PCDH15: variants seen among roughly 807,000 people sequenced by gnomAD.
PCDH15 encodes the protein protocadherin related 15.
In PCDH15, 129 loss-of-function variants were observed where a neutral mutation model predicts 178.5. That is an observed-to-expected ratio of 0.72 (90% CI 0.63 to 0.84). The LOEUF is 0.84. Ranked by LOEUF, PCDH15 falls within the 40% of genes least tolerant of loss-of-function variation. The pLI is 0.00. For missense variants in PCDH15, 2,230 were observed against 2,099.9 expected (o/e 1.06, Z -1.21); for synonymous variants, 800 against 732.0 (o/e 1.09, Z -1.50).
intron 1 of PCDH15, among the ~76,000 whole-genome samples, chr10:54,737,991 AGCC>A (rs1489415183): frequency 6.6e-6 from 1 of 152,220 alleles, no homozygotes; most frequent in Non-Finnish European, 1.5e-5. Flanking sequence ...TGAAAGATCC[AGCC>A]AAATGGATAA....
intron 2 of PCDH15, among the ~76,000 whole-genome samples, chr10:54,545,493 A>C (rs1488679544): frequency 6.6e-6 from 1 of 152,138 alleles, no homozygotes. Context: ...GTAAGGAATT[A>C]AAATTATTTT....
At chr10:53,958,388 C>T (rs1442096498) in intron 23 of PCDH15, among the ~76,000 whole-genome samples, 5 of 152,172 alleles carry the variant, frequency 3.3e-5, no homozygotes, top group Admixed American at 2.6e-4. Context: ...CTCTACATTT[C>T]CTTCAATCTA....
At chr10:54,727,829 C>T (rs952688842) in intron 1 of PCDH15, among the ~76,000 whole-genome samples, 6 of 151,296 alleles carry the variant, frequency 4.0e-5, no homozygotes, top group Admixed American at 6.6e-5. Flanking sequence ...AACTAGAAAA[C>T]CTTGAAGGAA....
At chr10:54,211,808 C>T (rs576746237) in intron 10 of PCDH15, among the ~76,000 whole-genome samples, 2 of 152,012 alleles carry the variant, frequency 1.3e-5, no homozygotes, top group Non-Finnish European at 2.9e-5. Context: ...CAGATTGTAG[C>T]ATTTCAATGG....
At chr10:54,347,007 T>C (rs1943403828) in intron 5 of PCDH15, among the ~76,000 whole-genome samples, 1 of 152,148 alleles carries the variant, frequency 6.6e-6, no homozygotes, top group Non-Finnish European at 1.5e-5. Flanking sequence ...CCTTCTGATA[T>C]TGGTTGAGTA....
intron 2 of PCDH15, among the ~76,000 whole-genome samples, chr10:55,082,601 A>G (rs369076259): frequency 2.4e-4 from 37 of 151,248 alleles, no homozygotes; most frequent in African/African-American, 7.7e-4. Flanking sequence ...AAAAACACGC[A>G]AAATATCAAC....
chr10:55,152,681 T>C (rs1838764549), intron 2 of PCDH15, among the ~76,000 whole-genome samples: 1 of 152,172 alleles, frequency 6.6e-6, no homozygotes, highest in Non-Finnish European at 1.5e-5. Flanking sequence ...GAACTTGAAC[T>C]GTGATAGAGA....
chr10:54,754,659 A>G (rs1219405713), intron 1 of PCDH15, among the ~76,000 whole-genome samples: 1 of 152,136 alleles, frequency 6.6e-6, no homozygotes, highest in Non-Finnish European at 1.5e-5. Flanking sequence ...AGTTATATTT[A>G]GAAGATTAGA....
chr10:55,029,133 G>A (rs1187600715), intron 2 of PCDH15, among the ~76,000 whole-genome samples: 5 of 151,876 alleles, frequency 3.3e-5, no homozygotes, highest in African/African-American at 1.2e-4. Flanking sequence ...AAGAATAAAT[G>A]TTTCTGTATC....
At chr10:54,220,399 C>CA (rs1431422272) in intron 9 of PCDH15, among the ~76,000 whole-genome samples, 5 of 152,134 alleles carry the variant, frequency 3.3e-5, no homozygotes, top group African/African-American at 1.2e-4. Flanking sequence ...GGTCAGAAGT[C>CA]AAGGTATCTA....
intron 1 of PCDH15, among the ~76,000 whole-genome samples, chr10:54,695,595 T>G (rs1486105050): frequency 1.3e-5 from 2 of 152,076 alleles, no homozygotes; most frequent in African/African-American, 2.4e-5. Flanking sequence ...GTGTAAAACT[T>G]TCATAACTAG....
rs1430875806 is a variant in PCDH15 at position 54,420,914 on chromosome 10, T to C, written c.158-41972A>G. 2.6e-5 allele frequency among the ~76,000 whole-genome samples: 4 copies of C among 152,212 alleles called. No individual in the cohort carries two copies. The East Asian group carries it at 5.8e-4, about 22-fold the overall frequency. On this transcript the variant is annotated intron_variant, in intron 3 of 37. Transcript: ENST00000644397. ...GGGCATGAGTAGACTTCAGGAAACA[T>C]GCCAGTACAGAACCATATAAATGTG... is the stretch of plus-strand genomic sequence containing the variant.
chr10:54,673,628 G>T (rs1565909457), intron 1 of PCDH15, among the ~76,000 whole-genome samples: 1 of 152,068 alleles, frequency 6.6e-6, no homozygotes, highest in Non-Finnish European at 1.5e-5. Context: ...AATAGAGACA[G>T]GGTTTCTCCG....
chr10:55,602,278 C>T (rs368899998), intron 2 of PCDH15, among the ~76,000 whole-genome samples: 2 of 152,096 alleles, frequency 1.3e-5, no homozygotes, highest in African/African-American at 4.8e-5. Flanking sequence ...AGCAGTCTGA[C>T]ATCAAACTGC....
At chr10:55,105,926 T>C (rs1234680067) in intron 2 of PCDH15, among the ~76,000 whole-genome samples, 2 of 152,148 alleles carry the variant, frequency 1.3e-5, no homozygotes, top group Non-Finnish European at 2.9e-5. Context: ...ATGGAATGAG[T>C]AATCCAAATC....
intron 21 of PCDH15, among the ~76,000 whole-genome samples, chr10:53,971,843 C>T (rs1477759400): frequency 2.0e-5 from 3 of 152,058 alleles, no homozygotes; most frequent in East Asian, 1.9e-4. Flanking sequence ...GAATCAATAC[C>T]ATGAAAATGG....
chr10:55,568,848 C>T (rs1041870382), intron 2 of PCDH15, among the ~76,000 whole-genome samples: 1 of 152,000 alleles, frequency 6.6e-6, no homozygotes, highest in African/African-American at 2.4e-5. Flanking sequence ...AGCAAAGATA[C>T]CCAGGTCTTA....
intron 2 of PCDH15, among the ~76,000 whole-genome samples, chr10:54,580,922 TA>T (rs1369177399): frequency 6.6e-6 from 1 of 151,988 alleles, no homozygotes; most frequent in African/African-American, 2.4e-5. Context: ...TAAAAATACT[TA>T]AAAAATGAGT....
At chr10:54,450,348 A>G (rs1052766840) in intron 3 of PCDH15, among the ~76,000 whole-genome samples, 1 of 151,360 alleles carries the variant, frequency 6.6e-6, no homozygotes, top group South Asian at 2.1e-4. Context: ...AACTAATGAA[A>G]TGGAATCAGG....
Sources: gnomAD v4.1 joint callset for allele counts (sites outside exome capture counted in the v4.1 genomes callset) on GRCh38, gnomAD v4.1.1 for gene constraint, MANE v1.5 for transcripts, NCBI Gene and HGNC (gene_info 2026-07-23, HGNC 2026-07-21) for gene names.